The following KIF26B variants were observed in gnomAD, a reference collection of about 807,000 sequenced individuals.
KIF26B encodes kinesin family member 26B, also known as kinesin-like protein KIF26B.
In KIF26B, 63 loss-of-function variants were observed where a neutral mutation model predicts 151.2. The ratio of observed to expected loss-of-function variants is 0.42; its 90% confidence interval spans 0.34 to 0.51. The LOEUF (loss-of-function observed/expected upper bound fraction) is 0.51, where lower values mean the gene tolerates loss of function less well. KIF26B is among the 20% of genes least tolerant of loss of function. KIF26B has a pLI of 0.07. For synonymous variants in KIF26B, 1,357 were observed against 1,262.1 expected (o/e 1.08, Z -1.59); for missense variants, 2,813 against 2,913.6 (o/e 0.97, Z 0.79).
chr1:245,472,710 G>C (rs1197590979), intron 4 of KIF26B, among the ~76,000 whole-genome samples: 1 of 152,176 alleles, frequency 6.6e-6, no homozygotes, highest in Non-Finnish European at 1.5e-5. Context: ...ACTTCACCTT[G>C]TTGCCCTCGG....
intron 2 of KIF26B, among the ~76,000 whole-genome samples, chr1:245,158,552 C>T (rs984842071): frequency 6.6e-6 from 1 of 152,234 alleles, no homozygotes; most frequent in Non-Finnish European, 1.5e-5. Context: ...GCTGAACCCC[C>T]ATGCTCTACA....
Position 245,609,461 on chromosome 1 carries a change from C to A in KIF26B, c.1847C>A (p.Thr616Lys). Residue 616 changes from threonine to lysine, a missense_variant, in exon 8 of 15, where the codon ACG becomes AAG. Coordinates refer to ENST00000407071, the MANE Select transcript of KIF26B (RefSeq NM_018012.4). ...NLRDLLSEVA[T>K]GSLQDGQSPG... ...CGGGACCTGCTGTCGGAGGTGGCCACGGGCAGCCTGCAGGACGGCCAGTCC... is the reference window on the plus strand; with the variant it reads ...CGGGACCTGCTGTCGGAGGTGGCCAAGGGCAGCCTGCAGGACGGCCAGTCC... The A allele has an allele frequency of 6.2e-7, 1 of 1,603,684 alleles. No homozygotes were observed. Among genetic ancestry groups the A allele is most frequent in the Non-Finnish European group, 8.5e-7 (1 of 1,175,202 alleles).
chr1:245,572,757 G>A lies in KIF26B; in HGVS notation c.1351-29820G>A, dbSNP rs1321863405. On this transcript the variant is annotated intron_variant, in intron 5 of 14. Transcript: ENST00000407071. This position sits in a 1 kb window ranked among gnomAD's most constrained non-coding sequence, Gnocchi z 4.2. ...TACCTACGTATAGTGTATGTTGTTCGCTTCATTTAGCATGACCCTATGAAA... is the reference window on the plus strand; with the variant it reads ...TACCTACGTATAGTGTATGTTGTTCACTTCATTTAGCATGACCCTATGAAA... Among the ~76,000 whole-genome samples, 3 of 151,914 alleles carry A rather than the reference G, an allele frequency of 2.0e-5. No individual in the cohort carries two copies. The highest frequency in any genetic ancestry group is 7.3e-5 in the African/African-American group (3 of 41,338).
intron 3 of KIF26B, among the ~76,000 whole-genome samples, chr1:245,406,992 T>G (rs1474896018): frequency 6.6e-6 from 1 of 152,138 alleles, no homozygotes; most frequent in Non-Finnish European, 1.5e-5. Context: ...TTTACCATGT[T>G]GGCCAGGCTG....
intron 2 of KIF26B, among the ~76,000 whole-genome samples, chr1:245,331,315 C>G (rs1672111168): frequency 6.6e-6 from 1 of 151,912 alleles, no homozygotes; most frequent in Non-Finnish European, 1.5e-5. Flanking sequence ...GCCTCACAAG[C>G]AGGGCACAAG....
intron 4 of KIF26B, among the ~76,000 whole-genome samples, chr1:245,478,583 A>G (rs940299180): frequency 1.3e-5 from 2 of 151,326 alleles, no homozygotes; most frequent in Non-Finnish European, 3.0e-5. Flanking sequence ...CGTCTGGCTA[A>G]TTTTTTATAT....
intron 10 of KIF26B, chr1:245,676,068 TC>T (rs2044353845): frequency 6.6e-6 from 1 of 152,132 alleles, no homozygotes; most frequent in Non-Finnish European, 1.5e-5. Context: ...TGCAATAATC[TC>T]CCAAATTCTT....
intron 2 of KIF26B, among the ~76,000 whole-genome samples, chr1:245,221,656 C>T (rs988572213): frequency 1.3e-5 from 2 of 152,190 alleles, no homozygotes; most frequent in African/African-American, 2.4e-5. Flanking sequence ...GTCAGCTTGC[C>T]TCGGCCTCCC....
chr1:245,652,871 C>T (rs2103191894), intron 10 of KIF26B, among the ~76,000 whole-genome samples: 1 of 152,276 alleles, frequency 6.6e-6, no homozygotes, highest in East Asian at 1.9e-4. Context: ...TCCACTGCAG[C>T]AGCCGTTGTG....
Position 245,156,290 on chromosome 1 carries a change from A to G in KIF26B, c.72A>G (p.Glu24=). 3 of 1,546,940 alleles carry G rather than the reference A, an allele frequency of 1.9e-6. No homozygotes were observed. Among genetic ancestry groups the G allele is most frequent in the Non-Finnish European group, 1.7e-6 (2 of 1,145,978 alleles). The change falls in exon 2 of 15, where the codon GAA becomes GAG. Residue 24 remains glutamate (E), a synonymous_variant. Coordinates refer to ENST00000407071, the MANE Select transcript of KIF26B (RefSeq NM_018012.4). ...STRGKKYGVN[E]VCSPTKPAAP... ...GCGTGTCTTCCCCGCAGGTGAATGAAGTCTGCTCGCCCACCAAGCCCGCAG... is the reference window on the plus strand; with the variant it reads ...GCGTGTCTTCCCCGCAGGTGAATGAGGTCTGCTCGCCCACCAAGCCCGCAG...
intron 2 of KIF26B, among the ~76,000 whole-genome samples, chr1:245,221,831 T>C (rs1167887307): frequency 6.6e-6 from 1 of 152,262 alleles, no homozygotes; most frequent in Non-Finnish European, 1.5e-5. Flanking sequence ...TAAATGTGAT[T>C]GTTTTTATCC....
At chr1:245,268,684 C>T (rs892017892) in intron 2 of KIF26B, among the ~76,000 whole-genome samples, 1 of 152,042 alleles carries the variant, frequency 6.6e-6, no homozygotes, top group East Asian at 1.9e-4. Flanking sequence ...TTAGACCTGA[C>T]ATTTGAACCA....
intron 2 of KIF26B, among the ~76,000 whole-genome samples, chr1:245,299,317 T>TG (rs1293517655): frequency 7.3e-6 from 1 of 136,136 alleles, no homozygotes; most frequent in African/African-American, 2.7e-5. Context: ...CATCCAATTC[T>TG]GGGTTTTTTT....
At chr1:245,458,126 T>G (rs1313615944) in intron 4 of KIF26B, among the ~76,000 whole-genome samples, 2 of 152,172 alleles carry the variant, frequency 1.3e-5, no homozygotes, top group East Asian at 3.8e-4. Flanking sequence ...AACTATTCAT[T>G]TGACAAGTGA....
chr1:245,390,077 G>A (rs896002650), intron 3 of KIF26B, among the ~76,000 whole-genome samples: 6 of 151,872 alleles, frequency 4.0e-5, no homozygotes, highest in Admixed American at 3.9e-4. Context: ...AGGCAATGAT[G>A]GATAAAACTG....
chr1:245,453,808 A>G (rs1659451550), intron 4 of KIF26B, among the ~76,000 whole-genome samples: 2 of 152,242 alleles, frequency 1.3e-5, no homozygotes, highest in Admixed American at 1.3e-4. Context: ...CAACAGTTGA[A>G]AGAATTATGA....
At position 245,516,410 on chromosome 1, in the gene KIF26B, C is replaced by T. The variant is rs532292848; in HGVS notation, c.1167-24357C>T. 2.0e-5 allele frequency among the ~76,000 whole-genome samples: 3 copies of T among 152,248 alleles called. No homozygotes were observed. Among genetic ancestry groups the T allele is most frequent in the Admixed American group, 6.5e-5 (1 of 15,296 alleles). ...GATGACATGAAATCATGTACGCGAG[C>T]GTGATTTGCTACTAGGCAGCTCTGT... On this transcript the variant is annotated intron_variant, in intron 4 of 14. Coordinates refer to ENST00000407071, the MANE Select transcript of KIF26B (RefSeq NM_018012.4). The surrounding 1 kb of genome is among the most constrained non-coding windows in gnomAD (Gnocchi z 4.2).
intron 4 of KIF26B, among the ~76,000 whole-genome samples, chr1:245,504,725 C>T (rs1309735889): frequency 3.3e-5 from 5 of 151,844 alleles, no homozygotes; most frequent in African/African-American, 1.2e-4. Context: ...CAGGTGTGAG[C>T]CACTGTGCCC....
At chr1:245,250,545 C>T (rs1670424891) in intron 2 of KIF26B, among the ~76,000 whole-genome samples, 1 of 152,200 alleles carries the variant, frequency 6.6e-6, no homozygotes, top group Non-Finnish European at 1.5e-5. Context: ...ACATAGTCTT[C>T]AGCTTAACTA....
Sources: gnomAD v4.1 joint callset for allele counts (sites outside exome capture counted in the v4.1 genomes callset) on GRCh38, gnomAD v4.1.1 for gene constraint, Gnocchi (gnomAD v3.1) non-coding constraint, MANE v1.5 for transcripts, NCBI Gene and HGNC (gene_info 2026-07-23, HGNC 2026-07-21) for gene names.